The following CNBD1 variants were observed in gnomAD, a reference collection of about 807,000 sequenced individuals.
CNBD1 encodes the protein cyclic nucleotide binding domain containing 1.
Under a neutral mutation model 54.4 loss-of-function variants are expected in CNBD1, and 71 were observed. The ratio of observed to expected loss-of-function variants is 1.30; its 90% CI spans 1.08 to 1.59. The LOEUF is 1.59. Among genes scored for constraint, CNBD1 ranks in the 40% most tolerant of loss-of-function variants. The pLI is 0.00. For missense variants in CNBD1, 659 were observed against 518.0 expected, an observed-to-expected ratio of 1.27 and a Z score of -2.64; for synonymous variants, 182 against 170.7, an observed-to-expected ratio of 1.07 and a Z score of -0.51.
At chr8:87,055,231 C>G (rs1209959997) in intron 4 of CNBD1, among the ~76,000 whole-genome samples, 2 of 152,164 alleles carry the variant, frequency 1.3e-5, no homozygotes, top group African/African-American at 2.4e-5. Context: ...AGAGAGGGGT[C>G]CTGGACGGGT....
At chr8:87,173,356 T>G (rs11989123) in intron 4 of CNBD1, among the ~76,000 whole-genome samples, 1,599 of 152,290 alleles carry the variant, frequency 0.01, 40 homozygotes, top group African/African-American at 0.037. Context: ...TGTTTTTCTG[T>G]GTACTTACTA....
At chr8:86,899,565 T>C (rs962502388) in intron 2 of CNBD1, among the ~76,000 whole-genome samples, 5 of 152,150 alleles carry the variant, frequency 3.3e-5, no homozygotes, top group African/African-American at 9.7e-5. Flanking sequence ...TTAATCATCA[T>C]TGTGATTCCC....
At chr8:87,419,943 A>G (rs1221935655) in intron 2 of CNBD1, among the ~76,000 whole-genome samples, 2 of 148,786 alleles carry the variant, frequency 1.3e-5, no homozygotes, top group African/African-American at 4.9e-5. Flanking sequence ...CCTCATTAAT[A>G]AAAATATATA....
At chr8:86,940,132 C>CATTTTTT (rs34011702) in intron 4 of CNBD1, among the ~76,000 whole-genome samples, 2 of 88,742 alleles carry the variant, frequency 2.3e-5, no homozygotes, top group Admixed American at 3.2e-4. Context: ...CCACATGTTA[C>CATTTTTT]TTTTTTTTTT....
At chr8:87,102,037 C>T (rs150090370) in intron 4 of CNBD1, among the ~76,000 whole-genome samples, 4,941 of 151,806 alleles carry the variant, frequency 0.033, 259 homozygotes, top group African/African-American at 0.11. Context: ...TATAGGCGCC[C>T]GCCACCATGT....
At chr8:87,043,843 A>G (rs1810124918) in intron 4 of CNBD1, among the ~76,000 whole-genome samples, 1 of 152,190 alleles carries the variant, frequency 6.6e-6, no homozygotes, top group Non-Finnish European at 1.5e-5. Context: ...GAAATCTGGT[A>G]TTTCATTTCT....
chr8:87,017,902 G>T (rs983129853), intron 4 of CNBD1, among the ~76,000 whole-genome samples: 31 of 152,236 alleles, frequency 2.0e-4, no homozygotes, highest in African/African-American at 7.2e-4. Context: ...TATAAAGACT[G>T]AAACTAAAAT....
intron 8 of CNBD1, among the ~76,000 whole-genome samples, chr8:87,315,694 G>C (rs1809371672): frequency 6.6e-6 from 1 of 152,014 alleles, no homozygotes; most frequent in Non-Finnish European, 1.5e-5. Flanking sequence ...TTCAACATGA[G>C]TTTTGGAGGG....
At chr8:86,986,268 A>T (rs890428447) in intron 4 of CNBD1, among the ~76,000 whole-genome samples, 12 of 152,116 alleles carry the variant, frequency 7.9e-5, no homozygotes, top group African/African-American at 2.9e-4. Flanking sequence ...ACAATTAGTG[A>T]TGATGAGCAG....
At chr8:87,041,094 C>G (rs1388263104) in intron 4 of CNBD1, among the ~76,000 whole-genome samples, 3 of 151,872 alleles carry the variant, frequency 2.0e-5, no homozygotes, top group African/African-American at 7.3e-5. Context: ...TACTTTTCAC[C>G]AGCCTAATAT....
At chr8:87,286,925 G>A (rs772336917) in intron 8 of CNBD1, among the ~76,000 whole-genome samples, 17 of 152,026 alleles carry the variant, frequency 1.1e-4, no homozygotes, top group Middle Eastern at 3.4e-3. Context: ...TAACTGTTCC[G>A]CACTTGCTCC....
chr8:87,146,398 A>G (rs1417645224), intron 4 of CNBD1, among the ~76,000 whole-genome samples: 1 of 152,146 alleles, frequency 6.6e-6, no homozygotes, highest in Admixed American at 6.5e-5. Flanking sequence ...TGCCTTGAGG[A>G]CACCAATGAA....
At chr8:87,390,115 T>C (rs1301233230) in intron 2 of CNBD1, among the ~76,000 whole-genome samples, 1 of 151,356 alleles carries the variant, frequency 6.6e-6, no homozygotes, top group Non-Finnish European at 1.5e-5. Context: ...GATTAAAGAC[T>C]TAAACGTTAG....
chr8:87,404,075 T>C (rs1309247091), intron 2 of CNBD1, among the ~76,000 whole-genome samples: 1 of 152,024 alleles, frequency 6.6e-6, no homozygotes, highest in Non-Finnish European at 1.5e-5. Context: ...CAGAGAACTA[T>C]CTGATGAAAG....
intron 2 of CNBD1, among the ~76,000 whole-genome samples, chr8:87,388,684 T>G (rs1811243242): frequency 6.6e-6 from 1 of 152,202 alleles, no homozygotes. Context: ...AAGGAGGAGC[T>G]GGTACCATTC....
chr8:87,037,716 T>C (rs1010419249), intron 4 of CNBD1, among the ~76,000 whole-genome samples: 2 of 152,200 alleles, frequency 1.3e-5, no homozygotes, highest in Admixed American at 6.5e-5. Context: ...CTACTGATAA[T>C]TAAAACTTTT....
chr8:87,138,585 G>A (rs965965031), intron 4 of CNBD1, among the ~76,000 whole-genome samples: 4 of 152,068 alleles, frequency 2.6e-5, no homozygotes, highest in African/African-American at 7.2e-5. Context: ...ATCTCTTCTG[G>A]GTTAACCACT....
At chr8:87,410,430 G>A (rs1459341288) in intron 2 of CNBD1, among the ~76,000 whole-genome samples, 1 of 152,120 alleles carries the variant, frequency 6.6e-6, no homozygotes, top group African/African-American at 2.4e-5. Context: ...GGAGGAGGCT[G>A]ATATGTCAAC....
rs1813366990 is a variant in CNBD1 at position 87,182,239 on chromosome 8, T to C, written c.432-23754T>C. On this transcript the variant is annotated intron_variant, in intron 4 of 10. Coordinates refer to ENST00000518476, the MANE Select transcript of CNBD1 (RefSeq NM_173538.3). The surrounding 1 kb of genome is among the most constrained non-coding windows in gnomAD (Gnocchi z 4.1). Reference sequence around the variant, plus strand: ...AAGGACATGATCTCATTCTTTTTTATGGCTGCATAGTATTCCATGGTGTAT... The same window carrying C: ...AAGGACATGATCTCATTCTTTTTTACGGCTGCATAGTATTCCATGGTGTAT... 6.6e-6 allele frequency among the ~76,000 whole-genome samples: 1 copy of C among 152,204 alleles called. No individual in the cohort carries two copies. The highest frequency in any genetic ancestry group is 1.5e-5 in the Non-Finnish European group (1 of 68,036).
Sources: allele counts gnomAD v4.1 joint callset (sites outside exome capture counted in the v4.1 genomes callset), GRCh38; gene constraint gnomAD v4.1.1; non-coding constraint Gnocchi (gnomAD v3.1); transcripts MANE v1.5; gene names NCBI Gene and HGNC (gene_info 2026-07-23, HGNC 2026-07-21).